Variants in ERC1 observed in about 807,000 individuals in gnomAD.
ERC1 encodes the protein ELKS/RAB6-interacting/CAST family member 1, also known as RAB6 interacting protein 2.
ERC1 carries 56 observed loss-of-function variants against 132.0 expected under a neutral mutation model. That is an observed-to-expected ratio of 0.42 (90% CI 0.34 to 0.53). The LOEUF (loss-of-function observed/expected upper bound fraction) is 0.53, where lower values mean the gene tolerates loss of function less well. Among genes scored for constraint, ERC1 ranks in the 20% least tolerant of loss-of-function variants. The pLI is 0.03. For synonymous variants in ERC1, 478 were observed against 476.1 expected (o/e 1.00, Z -0.05); for missense variants, 1,202 against 1,349.9 (o/e 0.89, Z 1.72).
chr12:1,289,956 C>A lies in ERC1; in HGVS notation c.2724C>A (p.His908Gln), dbSNP rs1162017388. ...AGTCTCTGGCAGAAAAGGAAACTCA[C>A]TTGACTAATCTTCGGGCAGAGAGAA... ...TQQSLAEKETHLTNLRAERRK... is the reference protein window; with the variant it reads ...TQQSLAEKETQLTNLRAERRK... Residue 908 changes from histidine to glutamine, a missense_variant, in exon 15 of 19, where the codon CAC (histidine) becomes CAA (glutamine). Physicochemically the swap from His to Gln is conservative, Grantham distance 24. Coordinates refer to ENST00000360905, the MANE Select transcript of ERC1 (RefSeq NM_178040.4). 2 of 1,613,978 alleles carry A rather than the reference C, an allele frequency of 1.2e-6. No individual in the cohort carries two copies. The highest frequency in any genetic ancestry group is 1.7e-6 in the Non-Finnish European group (2 of 1,179,946).
intron 15 of ERC1, among the ~76,000 whole-genome samples, chr12:1,313,935 G>A (rs991163497): frequency 6.6e-6 from 1 of 152,098 alleles, no homozygotes; most frequent in Non-Finnish European, 1.5e-5. Flanking sequence ...TGTGAGCCCA[G>A]ATCACACCAT....
At chr12:1,246,892 C>A (rs1471658163) in intron 13 of ERC1, among the ~76,000 whole-genome samples, 1 of 152,168 alleles carries the variant, frequency 6.6e-6, no homozygotes, top group Non-Finnish European at 1.5e-5. Flanking sequence ...AAAGACTGAG[C>A]AGTTACAGAT....
intron 15 of ERC1, among the ~76,000 whole-genome samples, chr12:1,291,964 T>C (rs141583408): frequency 0.012 from 1,805 of 152,256 alleles, 123 homozygotes; most frequent in Admixed American, 0.11. Flanking sequence ...TATTCCACTT[T>C]TATGTTAGCG....
At chr12:1,315,519 T>G (rs1159310544) in intron 15 of ERC1, among the ~76,000 whole-genome samples, 1 of 151,810 alleles carries the variant, frequency 6.6e-6, no homozygotes, top group Non-Finnish European at 1.5e-5. Flanking sequence ...CCTAGCTAAT[T>G]TTTGTATTTT....
intron 17 of ERC1, among the ~76,000 whole-genome samples, chr12:1,440,369 TA>T (rs2093084776): frequency 6.7e-6 from 1 of 149,420 alleles, no homozygotes; most frequent in East Asian, 2.0e-4. Context: ...CACGCCCGGC[TA>T]ATTTTTTTTG....
Position 991,295 on chromosome 12 carries a change from A to AGCAGCAGCG in ERC1, c.-177_-176insCGGCAGCAG, listed in dbSNP as rs1959200360. 1 of 165,792 alleles carries AGCAGCAGCG rather than the reference A, an allele frequency of 6.0e-6. No individual in the cohort carries two copies. The highest frequency in any genetic ancestry group is 1.2e-5 in the Non-Finnish European group (1 of 80,246). 10.3% of individuals were successfully genotyped at this position (165,792 alleles called of 1,614,324 possible). A position where few individuals can be genotyped will look rare whatever the true frequency, so the allele number is the denominator to read the frequency against. On this transcript the variant is annotated 5_prime_UTR_variant, in exon 1 of 19. Transcript: ENST00000360905. ...GCGGCGGCGGTGCCTGGGCGGCAGC[A>AGCAGCAGCG]GCAGCAGTAGCGGCAGCCCTGAGGA... is the stretch of plus-strand genomic sequence containing the variant.
At chr12:1,460,255 A>T (rs1468689255) in intron 18 of ERC1, among the ~76,000 whole-genome samples, 4 of 152,246 alleles carry the variant, frequency 2.6e-5, no homozygotes, top group Admixed American at 2.6e-4. Context: ...TTAAAAACTT[A>T]AATCAGTAAA....
At chr12:1,194,055 C>G (rs889501433) in intron 12 of ERC1, among the ~76,000 whole-genome samples, 6 of 152,134 alleles carry the variant, frequency 3.9e-5, no homozygotes, top group African/African-American at 1.4e-4. Context: ...AAATTTCTCT[C>G]CTAAAATGAG....
chr12:1,402,614 A>AACACACACACACACACC (rs2091166781), intron 16 of ERC1, among the ~76,000 whole-genome samples: 1 of 144,896 alleles, frequency 6.9e-6, no homozygotes, highest in African/African-American at 2.6e-5. Context: ...TGTAACCCCC[A>AACACACACACACACACC]ACACACACAC....
At chr12:1,248,639 G>A (rs957339659) in intron 13 of ERC1, among the ~76,000 whole-genome samples, 9 of 152,164 alleles carry the variant, frequency 5.9e-5, no homozygotes, top group African/African-American at 9.7e-5. Context: ...AACAGTCTAC[G>A]TGAAAAGTTG....
chr12:1,081,024 T>G (rs1205567411), intron 2 of ERC1, among the ~76,000 whole-genome samples: 1 of 152,170 alleles, frequency 6.6e-6, no homozygotes, highest in Non-Finnish European at 1.5e-5. Flanking sequence ...GATGGTGACA[T>G]GTCTAAATGT....
intron 12 of ERC1, among the ~76,000 whole-genome samples, chr12:1,212,862 A>G (rs1381840165): frequency 6.6e-6 from 1 of 152,154 alleles, no homozygotes; most frequent in Admixed American, 6.5e-5. Context: ...ACCCCTTCCT[A>G]CCTGGCTTTC....
At chr12:1,317,738 TAA>T (rs959555408) in intron 15 of ERC1, among the ~76,000 whole-genome samples, 2 of 152,096 alleles carry the variant, frequency 1.3e-5, no homozygotes. Flanking sequence ...ATACTGAACC[TAA>T]GTCATCAGAT....
At chr12:1,299,593 A>T (rs1370745965) in intron 15 of ERC1, among the ~76,000 whole-genome samples, 1 of 152,224 alleles carries the variant, frequency 6.6e-6, no homozygotes, top group East Asian at 1.9e-4. Flanking sequence ...GGTACCAGAA[A>T]AAGAAGCAGA....
chr12:1,028,663 G>A (rs983566095), intron 2 of ERC1, 91 bp downstream of exon 2: 22 of 985,210 alleles, frequency 2.2e-5, no homozygotes, highest in Admixed American at 5.1e-5. Context: ...TTTTCCCTTC[G>A]TAGTATATGT....
chr12:1,314,822 T>A (rs1386003783), intron 15 of ERC1, among the ~76,000 whole-genome samples: 4 of 152,232 alleles, frequency 2.6e-5, no homozygotes, highest in Non-Finnish European at 5.9e-5. Context: ...TATCTTAATT[T>A]TTGTTTCAAT....
At chr12:1,130,030 C>T (rs1261305200) in intron 7 of ERC1, among the ~76,000 whole-genome samples, 1 of 152,166 alleles carries the variant, frequency 6.6e-6, no homozygotes, top group Non-Finnish European at 1.5e-5. Flanking sequence ...TGTTGCTTCT[C>T]CTTGTTGGTA....
At chr12:1,460,443 C>A (rs2093622492) in intron 18 of ERC1, among the ~76,000 whole-genome samples, 2 of 152,134 alleles carry the variant, frequency 1.3e-5, no homozygotes, top group Admixed American at 6.5e-5. Context: ...GCAGTGCTGC[C>A]AGTTACACCA....
intron 18 of ERC1, among the ~76,000 whole-genome samples, chr12:1,471,368 T>C (rs2093857798): frequency 6.6e-6 from 1 of 152,206 alleles, no homozygotes; most frequent in Non-Finnish European, 1.5e-5. Context: ...TAGGGAAGAA[T>C]GCTTTAGGCA....
Sources: gnomAD v4.1 joint callset for allele counts (sites outside exome capture counted in the v4.1 genomes callset) on GRCh38, gnomAD v4.1.1 for gene constraint, MANE v1.5 for transcripts, NCBI Gene and HGNC (gene_info 2026-07-23, HGNC 2026-07-21) for gene names.